DLG2: variants seen among roughly 807,000 people sequenced by gnomAD.
DLG2 encodes the protein discs large MAGUK scaffold protein 2, also known as disks large homolog 2.
Under a neutral mutation model 132.5 loss-of-function variants are expected in DLG2, and 45 were observed. The observed-to-expected ratio is 0.34, with a 90% CI of 0.27 to 0.44. DLG2 has a LOEUF of 0.44. DLG2 is among the 20% of genes least tolerant of loss of function. The pLI is 1.00. For synonymous variants in DLG2, 424 were observed against 419.6 expected (o/e 1.01, Z -0.13); for missense variants, 1,045 against 1,196.9 (o/e 0.87, Z 1.87).
chr11:85,597,583 C>G (rs1170633465), intron 3 of DLG2, among the ~76,000 whole-genome samples: 1 of 151,818 alleles, frequency 6.6e-6, no homozygotes, highest in Non-Finnish European at 1.5e-5. Flanking sequence ...AAGCTTTACA[C>G]TTCTATTTTT....
intron 6 of DLG2, among the ~76,000 whole-genome samples, chr11:84,619,128 A>G (rs905494884): frequency 2.6e-5 from 4 of 151,950 alleles, no homozygotes; most frequent in Non-Finnish European, 5.9e-5. Flanking sequence ...CAAAATATTC[A>G]CCACATTCTA....
intron 6 of DLG2, among the ~76,000 whole-genome samples, chr11:84,576,841 T>C (rs755856166): frequency 1.3e-5 from 2 of 152,234 alleles, no homozygotes; most frequent in Non-Finnish European, 2.9e-5. Flanking sequence ...AGCTGCTTAC[T>C]ATCACTGATA....
chr11:83,990,638 G>A (rs945439488), intron 11 of DLG2, among the ~76,000 whole-genome samples: 3 of 152,232 alleles, frequency 2.0e-5, no homozygotes, highest in Middle Eastern at 3.4e-3. Context: ...CAATGTACCC[G>A]AATATTCTTT....
intron 6 of DLG2, among the ~76,000 whole-genome samples, chr11:84,925,874 T>C (rs914709406): frequency 1.3e-5 from 2 of 152,164 alleles, no homozygotes; most frequent in South Asian, 2.1e-4. Flanking sequence ...ATTGAAACTG[T>C]AAACATACTA....
chr11:85,321,567 G>A (rs899564785), intron 3 of DLG2, among the ~76,000 whole-genome samples: 3 of 151,996 alleles, frequency 2.0e-5, no homozygotes, highest in Non-Finnish European at 4.4e-5. Context: ...TGTGAGTCCT[G>A]GAACATTTCA....
chr11:84,146,992 T>A (rs1050767049), intron 9 of DLG2, among the ~76,000 whole-genome samples: 5 of 152,240 alleles, frequency 3.3e-5, no homozygotes, highest in African/African-American at 1.2e-4. Context: ...CTTTTCTGTA[T>A]TGTATGTCAC....
intron 3 of DLG2, among the ~76,000 whole-genome samples, chr11:85,505,072 T>C (rs1341751625): frequency 6.6e-6 from 1 of 152,238 alleles, no homozygotes; most frequent in East Asian, 1.9e-4. Flanking sequence ...ATTGATTTTG[T>C]ATCCTGAGAC....
intron 7 of DLG2, among the ~76,000 whole-genome samples, chr11:84,267,010 T>A (rs2097647714): frequency 6.6e-6 from 1 of 152,170 alleles, no homozygotes; most frequent in African/African-American, 2.4e-5. Context: ...CAAATGCTTA[T>A]AATCCAAAGC....
chr11:84,910,428 G>A (rs987953691), intron 6 of DLG2, among the ~76,000 whole-genome samples: 3 of 151,842 alleles, frequency 2.0e-5, no homozygotes, highest in Non-Finnish European at 4.4e-5. Context: ...AAATTTTTTA[G>A]ACAGAATGAT....
At chr11:84,849,616 T>C (rs1029803028) in intron 6 of DLG2, among the ~76,000 whole-genome samples, 1 of 152,160 alleles carries the variant, frequency 6.6e-6, no homozygotes, top group Non-Finnish European at 1.5e-5. Context: ...TTAGCACAAC[T>C]GGTTCCTTCT....
intron 4 of DLG2, among the ~76,000 whole-genome samples, chr11:85,280,962 C>T (rs2078186450): frequency 6.6e-6 from 1 of 151,982 alleles, no homozygotes; most frequent in African/African-American, 2.4e-5. Flanking sequence ...TATGACTCTG[C>T]TCCTGTCATC....
chr11:84,325,753 T>C (rs1427922266), intron 7 of DLG2, among the ~76,000 whole-genome samples: 1 of 152,198 alleles, frequency 6.6e-6, no homozygotes, highest in African/African-American at 2.4e-5. Context: ...AGGGTAATGC[T>C]AGCCTTATAA....
intron 7 of DLG2, among the ~76,000 whole-genome samples, chr11:84,403,886 T>C (rs141426763): frequency 6.6e-6 from 1 of 152,214 alleles, no homozygotes; most frequent in Non-Finnish European, 1.5e-5. Flanking sequence ...ACTGGAATCC[T>C]ACCTTCTTTT....
At chr11:85,065,713 A>G (rs1353994634) in intron 6 of DLG2, among the ~76,000 whole-genome samples, 1 of 151,320 alleles carries the variant, frequency 6.6e-6, no homozygotes, top group Non-Finnish European at 1.5e-5. Context: ...CTCCTGAATA[A>G]TCTTTGGGTG....
intron 18 of DLG2, among the ~76,000 whole-genome samples, chr11:83,771,272 G>C (rs1030279041): frequency 2.0e-5 from 3 of 152,182 alleles, no homozygotes; most frequent in Admixed American, 6.5e-5. Flanking sequence ...GTGGGGAATT[G>C]TCTCTAAAAC....
intron 18 of DLG2, among the ~76,000 whole-genome samples, chr11:83,650,461 C>T (rs1266568163): frequency 6.6e-6 from 1 of 152,134 alleles, no homozygotes; most frequent in Non-Finnish European, 1.5e-5. Flanking sequence ...ATAGAGTCTT[C>T]ACGGGGGACT....
intron 18 of DLG2, among the ~76,000 whole-genome samples, chr11:83,720,320 A>AAAAAAAAAAAAAC: frequency 6.7e-6 from 1 of 148,664 alleles, no homozygotes; most frequent in African/African-American, 2.5e-5. Flanking sequence ...AAAAAAAAAA[A>AAAAAAAAAAAAAC]AAAAAAGAAT....
At chr11:84,295,053 T>C (rs1238427440) in intron 7 of DLG2, among the ~76,000 whole-genome samples, 2 of 152,194 alleles carry the variant, frequency 1.3e-5, no homozygotes, top group Admixed American at 6.5e-5. Context: ...AGCTGTATAA[T>C]TACCTAAATA....
intron 6 of DLG2, among the ~76,000 whole-genome samples, chr11:84,592,660 T>C (rs977707678): frequency 6.6e-6 from 1 of 151,800 alleles, no homozygotes; most frequent in Admixed American, 6.6e-5. Flanking sequence ...GGGCAAAGTA[T>C]ATGAACAGAC....
Sources: allele counts gnomAD v4.1 joint callset (sites outside exome capture counted in the v4.1 genomes callset), GRCh38; gene constraint gnomAD v4.1.1; transcripts MANE v1.5; gene names NCBI Gene and HGNC (gene_info 2026-07-23, HGNC 2026-07-21).